YAP1: variants seen among roughly 807,000 people sequenced by gnomAD.
YAP1 encodes the protein Yes1 associated transcriptional regulator.
YAP1 carries 5 observed loss-of-function variants against 56.9 expected under a neutral mutation model. The observed-to-expected ratio is 0.09, with a 90% CI of 0.05 to 0.18. The LOEUF is 0.18. Ranked by LOEUF, YAP1 falls within the 10% of genes least tolerant of loss-of-function variation. The probability of loss-of-function intolerance (pLI) is 1.00; values close to 1 mark genes in which losing one functional copy is unlikely to be tolerated. For synonymous variants in YAP1, 265 were observed against 248.1 expected (o/e 1.07, Z -0.64); for missense variants, 539 against 651.8 (o/e 0.83, Z 1.88).
chr11:102,230,240 T>A lies in YAP1; in HGVS notation c.*300T>A, dbSNP rs1305020520. On this transcript the variant is annotated 3_prime_UTR_variant, in exon 9 of 9. Transcript: ENST00000282441. ...GAAGTGAGCCTGTTTGGATGATGGA[T>A]GCCATTCCTTTTGCCCAGTTAAATG... 4.0e-6 allele frequency: 1 copy of A among 250,546 alleles called. No individual in the cohort carries two copies. The highest frequency in any genetic ancestry group is 7.8e-6 in the Non-Finnish European group (1 of 128,928). The allele number at this position is 250,546 out of a possible 1,614,324, so 15.5% of individuals were successfully genotyped here. A position where few individuals can be genotyped will look rare whatever the true frequency, so the allele number is the denominator to read the frequency against.
At chr11:102,142,824 A>C (rs1591209464) in intron 2 of YAP1, among the ~76,000 whole-genome samples, 1 of 152,222 alleles carries the variant, frequency 6.6e-6, no homozygotes, top group Non-Finnish European at 1.5e-5. Context: ...TTTGTGGCTA[A>C]TAAGATATTT....
At chr11:102,123,524 C>G (rs1295396053) in intron 2 of YAP1, among the ~76,000 whole-genome samples, 1 of 151,814 alleles carries the variant, frequency 6.6e-6, no homozygotes, top group Non-Finnish European at 1.5e-5. Context: ...GTTGAGATCT[C>G]TTGTCTCTAA....
At chr11:102,114,536 CAT>C (rs1943158121) in intron 2 of YAP1, 142 bp downstream of exon 2, 4 of 1,062,862 alleles carry the variant, frequency 3.8e-6, no homozygotes. Flanking sequence ...CTCTATCTTC[CAT>C]ATATATGTTT....
chr11:102,224,563 A>G (rs1375248784), intron 7 of YAP1, among the ~76,000 whole-genome samples: 4 of 152,184 alleles, frequency 2.6e-5, no homozygotes, highest in Non-Finnish European at 5.9e-5. Flanking sequence ...TAGGAAAACT[A>G]TTACACCACC....
chr11:102,206,632 G>T (rs1949134476), intron 5 of YAP1, among the ~76,000 whole-genome samples: 1 of 152,118 alleles, frequency 6.6e-6, no homozygotes, highest in African/African-American at 2.4e-5. Context: ...GATCACTTGA[G>T]GCCAGTTCAA....
intron 3 of YAP1, among the ~76,000 whole-genome samples, chr11:102,171,495 A>G (rs1262060797): frequency 6.6e-6 from 1 of 152,244 alleles, no homozygotes; most frequent in African/African-American, 2.4e-5. Context: ...GAAAGGTATT[A>G]ATTTGAGCAG....
At chr11:102,180,039 C>T (rs1206684228) in intron 3 of YAP1, among the ~76,000 whole-genome samples, 2 of 141,972 alleles carry the variant, frequency 1.4e-5, no homozygotes, top group African/African-American at 2.7e-5. Context: ...GATGGAGTCT[C>T]GCATCCGTCG....
In YAP1 at chr11:102,212,978, A is replaced by T. The variant is rs747434384; in HGVS notation, c.1032+3414A>T. Among the ~76,000 whole-genome samples the T allele has an allele frequency of 4.9e-4, 74 of 152,362 alleles. 2 individuals carry two copies. Among genetic ancestry groups the T allele is most frequent in the Non-Finnish European group, 2.2e-4 (15 of 68,028 alleles). On this transcript the variant is annotated intron_variant, in intron 6 of 8. Coordinates refer to ENST00000282441, the MANE Select transcript of YAP1 (RefSeq NM_001130145.3). ...GAAGAAACTTTCTGAAACTGTAAAC[A>T]TCTTTGCTTTGTGAGATTGAGCAGT...
chr11:102,202,556 C>CA (rs1335241755), intron 4 of YAP1, among the ~76,000 whole-genome samples: 8 of 151,366 alleles, frequency 5.3e-5, no homozygotes, highest in Admixed American at 3.3e-4. Flanking sequence ...AAAGTGTACA[C>CA]AAAAAGGGAA....
chr11:102,162,701 T>C (rs955379838), intron 3 of YAP1, 130 bp downstream of exon 3: 12 of 848,266 alleles, frequency 1.4e-5, no homozygotes, highest in Admixed American at 1.0e-4. Context: ...TCCAGTTTCA[T>C]ACAGAAGACA....
At chr11:102,147,848 A>G (rs1436214471) in intron 2 of YAP1, among the ~76,000 whole-genome samples, 1 of 152,188 alleles carries the variant, frequency 6.6e-6, no homozygotes, top group African/African-American at 2.4e-5. Context: ...ATTACTTAAT[A>G]TTAACCACAC....
Position 102,230,070 on chromosome 11 carries a change from T to A in YAP1, c.*130T>A. On this transcript the variant is annotated 3_prime_UTR_variant, in exon 9 of 9. Coordinates refer to ENST00000282441, the MANE Select transcript of YAP1 (RefSeq NM_001130145.3). Reference sequence around the variant, plus strand: ...GATGAACAAACGTCCAGCAAGATACTTTAATCCTCTATTTTGCTCTTCCTT... The same window carrying A: ...GATGAACAAACGTCCAGCAAGATACATTAATCCTCTATTTTGCTCTTCCTT... 1.3e-6 allele frequency: 1 copy of A among 761,884 alleles called. No individual in the cohort carries two copies. Among genetic ancestry groups the A allele is most frequent in the South Asian group, 1.8e-5 (1 of 56,994 alleles). 47.2% of individuals were successfully genotyped at this position (761,884 alleles called of 1,614,324 possible).
intron 2 of YAP1, among the ~76,000 whole-genome samples, chr11:102,147,663 G>A (rs946181628): frequency 6.6e-6 from 1 of 152,150 alleles, no homozygotes; most frequent in African/African-American, 2.4e-5. Flanking sequence ...CTTCTACACA[G>A]GCAGAGCCTC....
chr11:102,133,366 G>A (rs1944484135), intron 2 of YAP1, among the ~76,000 whole-genome samples: 1 of 152,118 alleles, frequency 6.6e-6, no homozygotes, highest in South Asian at 2.1e-4. Flanking sequence ...GGCGATGTCA[G>A]CTCACTGCAG....
intron 3 of YAP1, among the ~76,000 whole-genome samples, chr11:102,168,217 A>G (rs1026667944): frequency 5.9e-5 from 9 of 152,194 alleles, no homozygotes; most frequent in Admixed American, 6.5e-5. Flanking sequence ...CCTTAGCTCT[A>G]TGTGTATGAT....
At chr11:102,134,631 C>G (rs1357500758) in intron 2 of YAP1, among the ~76,000 whole-genome samples, 1 of 151,810 alleles carries the variant, frequency 6.6e-6, no homozygotes, top group African/African-American at 2.4e-5. Flanking sequence ...TTGCTAGTTC[C>G]TTAGAAGTCT....
At chr11:102,225,179 C>CT (rs1201405985) in intron 7 of YAP1, among the ~76,000 whole-genome samples, 2 of 137,662 alleles carry the variant, frequency 1.5e-5, no homozygotes, top group African/African-American at 5.2e-5. Context: ...CTTTTTTTTT[C>CT]TTTAAAAAAA....
chr11:102,186,713 A>G (rs1947971056), intron 4 of YAP1: 1 of 153,314 alleles, frequency 6.5e-6, no homozygotes, highest in Non-Finnish European at 1.4e-5. Context: ...ATTCCCCTCC[A>G]GATCTCATGA....
chr11:102,178,670 A>G (rs1239321479), intron 3 of YAP1, among the ~76,000 whole-genome samples: 1 of 152,124 alleles, frequency 6.6e-6, no homozygotes, highest in East Asian at 1.9e-4. Context: ...AAGTAGTTCT[A>G]ATTTATGCAT....
Sources: allele counts gnomAD v4.1 joint callset (sites outside exome capture counted in the v4.1 genomes callset), GRCh38; gene constraint gnomAD v4.1.1; transcripts MANE v1.5; gene names NCBI Gene and HGNC (gene_info 2026-07-23, HGNC 2026-07-21).